The following SV2C variants were observed in gnomAD, a reference collection of about 807,000 sequenced individuals.
The protein encoded by SV2C is synaptic vesicle glycoprotein 2C.
Under a neutral mutation model 79.7 loss-of-function variants are expected in SV2C, and 49 were observed. The ratio of observed to expected loss-of-function variants is 0.61; its 90% CI spans 0.49 to 0.78. SV2C has a LOEUF of 0.78. Among genes scored for constraint, SV2C ranks in the 30% least tolerant of loss-of-function variants. The pLI, the probability that SV2C is intolerant of heterozygous loss-of-function variation, is 0.00. For synonymous variants in SV2C, 334 were observed against 333.2 expected (o/e 1.00, Z -0.03); for missense variants, 833 against 912.9 (o/e 0.91, Z 1.13).
At chr5:76,033,678 G>A in the SV2C span, among the ~76,000 whole-genome samples, 1 of 152,186 alleles carries the variant, frequency 6.6e-6, no homozygotes, top group African/African-American at 2.4e-5. Flanking sequence ...AAGTCAGGTA[G>A]CATGATGCCT....
the SV2C span, among the ~76,000 whole-genome samples, chr5:75,909,997 T>C: frequency 6.6e-6 from 1 of 152,226 alleles, no homozygotes; most frequent in African/African-American, 2.4e-5. Context: ...TCCCTGTTGT[T>C]AGTTTGTGCA....
chr5:76,030,289 T>TTATTTATTTATTTA, the SV2C span, among the ~76,000 whole-genome samples: 12 of 117,912 alleles, frequency 1.0e-4, no homozygotes, highest in African/African-American at 4.7e-4. Context: ...TTTTTTTTTT[T>TTATTTATTTATTTA]TTTATTTATT....
At chr5:76,261,448 C>T (rs760690177) in intron 4 of SV2C, among the ~76,000 whole-genome samples, 3 of 152,018 alleles carry the variant, frequency 2.0e-5, no homozygotes, top group East Asian at 1.9e-4. Context: ...TTCTCTTGCC[C>T]GATTGTTCTG....
intron 1 of SV2C, among the ~76,000 whole-genome samples, chr5:76,127,063 A>G (rs1166381216): frequency 6.6e-6 from 1 of 152,228 alleles, no homozygotes; most frequent in African/African-American, 2.4e-5. Context: ...CTGCATAAAT[A>G]CAATTGTTAG....
At chr5:75,930,002 T>A in the SV2C span, among the ~76,000 whole-genome samples, 2 of 152,210 alleles carry the variant, frequency 1.3e-5, no homozygotes, top group African/African-American at 4.8e-5. Flanking sequence ...TTCAAATTCC[T>A]CTTAGCTACC....
rs948432782 is a variant in SV2C, at chr5:76,325,596, A to T, written c.*49A>T. On this transcript the variant is annotated 3_prime_UTR_variant, in exon 13 of 13. Coordinates refer to ENST00000502798, the MANE Select transcript of SV2C (RefSeq NM_014979.4). ...GCGTTTCTTCCTCCTGCCCTGGGTC[A>T]ATTCTCCTTCCTGACTCAAGGCTTC... 1 of 1,599,422 alleles carries T rather than the reference A, an allele frequency of 6.3e-7. No homozygotes were observed. The highest frequency in any genetic ancestry group is 1.3e-5 in the African/African-American group (1 of 74,302).
chr5:76,248,623 AT>A lies in SV2C; in HGVS notation c.914-36524del, dbSNP rs369098544. Reference sequence around the variant, plus strand: ...CCCTGCACATAGTAGGTGCTCAGTGATTTTTTTTTTTTTTTGAGACGGCCTT... The same window carrying A: ...CCCTGCACATAGTAGGTGCTCAGTGATTTTTTTTTTTTTTGAGACGGCCTT... On this transcript the variant is annotated intron_variant, in intron 4 of 12. Transcript: ENST00000502798. 5.4e-3 allele frequency among the ~76,000 whole-genome samples: 772 copies of A among 143,204 alleles called. 7 individuals carry two copies. The highest frequency in any genetic ancestry group is 0.013 in the African/African-American group (521 of 38,936). The allele number at this position is 143,204 out of a possible 152,430, so 93.9% of individuals were successfully genotyped here.
intron 6 of SV2C, among the ~76,000 whole-genome samples, chr5:76,286,262 A>G (rs1333606226): frequency 3.3e-5 from 5 of 152,146 alleles, no homozygotes; most frequent in Non-Finnish European, 7.4e-5. Flanking sequence ...AGGACAAGAG[A>G]TTCTTGGTGT....
At chr5:76,097,428 C>A (rs1747602821) in intron 1 of SV2C, among the ~76,000 whole-genome samples, 1 of 152,124 alleles carries the variant, frequency 6.6e-6, no homozygotes, top group African/African-American at 2.4e-5. Context: ...CATTAAGTTG[C>A]CAATAAGCAC....
chr5:76,283,180 G>A (rs533368581), intron 4 of SV2C, among the ~76,000 whole-genome samples: 21 of 152,248 alleles, frequency 1.4e-4, no homozygotes, highest in African/African-American at 4.6e-4. Context: ...GGGCATGATG[G>A]TGTGCACCTG....
At chr5:76,229,761 A>G (rs912966633) in intron 4 of SV2C, among the ~76,000 whole-genome samples, 27 of 152,326 alleles carry the variant, frequency 1.8e-4, no homozygotes, top group African/African-American at 5.5e-4. Context: ...AGTCATGCTG[A>G]GGCTGGACCT....
At chr5:76,343,328 G>T (rs2937729) in intron 12 of SV2C, among the ~76,000 whole-genome samples, 98,207 of 151,956 alleles carry the variant, frequency 0.65, 32,648 homozygotes, top group East Asian at 0.92. Flanking sequence ...AAAGGTATTT[G>T]ATTCAGACAA....
the SV2C span, among the ~76,000 whole-genome samples, chr5:75,995,424 T>C: frequency 2.0e-5 from 3 of 152,128 alleles, no homozygotes; most frequent in African/African-American, 4.8e-5. Flanking sequence ...ATTATATTGC[T>C]TCCTAGATTG....
chr5:76,141,981 C>G (rs1043101117), intron 2 of SV2C, among the ~76,000 whole-genome samples: 2 of 152,030 alleles, frequency 1.3e-5, no homozygotes, highest in Admixed American at 1.3e-4. Context: ...CAGTTGCACC[C>G]TTTCATGTGA....
chr5:76,233,074 T>C (rs1745480749), intron 4 of SV2C, among the ~76,000 whole-genome samples: 1 of 141,858 alleles, frequency 7.0e-6, no homozygotes, highest in African/African-American at 3.1e-5. Flanking sequence ...CCCATGAGCA[T>C]GGAATGTTCT....
intron 12 of SV2C, among the ~76,000 whole-genome samples, chr5:76,342,475 C>A (rs1345671020): frequency 6.6e-6 from 1 of 152,192 alleles, no homozygotes; most frequent in Non-Finnish European, 1.5e-5. Context: ...AGGATGAATG[C>A]AAGGCCATGT....
rs550951483 is a variant in SV2C at position 76,201,948 on chromosome 5, G to A, written c.761+6849G>A. ...CAGGAGAATGGCGAACCTGGGAGGC[G>A]GAGCTTGCAGTGAGCTGAGCTCGCG... On this transcript the variant is annotated intron_variant, in intron 3 of 12. Coordinates refer to ENST00000502798, the MANE Select transcript of SV2C (RefSeq NM_014979.4). Among the ~76,000 whole-genome samples, 421 of 150,300 alleles carry A rather than the reference G, an allele frequency of 2.8e-3. 4 individuals carry two copies. The highest frequency in any genetic ancestry group is 6.7e-3 in the African/African-American group (275 of 41,002).
intron 2 of SV2C, among the ~76,000 whole-genome samples, chr5:76,158,040 T>C (rs372081942): frequency 6.6e-6 from 1 of 150,906 alleles, no homozygotes; most frequent in Admixed American, 6.6e-5. Context: ...TTTTTTAAAG[T>C]AGTAAAAAAA....
the SV2C span, among the ~76,000 whole-genome samples, chr5:75,951,122 C>G: frequency 6.6e-6 from 1 of 151,862 alleles, no homozygotes; most frequent in Non-Finnish European, 1.5e-5. Flanking sequence ...CTAGTTCTGT[C>G]CTGCTAATCT....
Sources: allele counts gnomAD v4.1 joint callset (sites outside exome capture counted in the v4.1 genomes callset), GRCh38; gene constraint gnomAD v4.1.1; transcripts MANE v1.5; gene names NCBI Gene and HGNC (gene_info 2026-07-23, HGNC 2026-07-21).